The following NEU3 variants were observed in gnomAD, a reference collection of about 807,000 sequenced individuals.
The protein encoded by NEU3 is sialidase-3.
Under a neutral mutation model 11.4 loss-of-function variants are expected in NEU3, and 10 were observed. The observed-to-expected ratio is 0.88, with a 90% confidence interval of 0.54 to 1.49. NEU3 has a LOEUF of 1.49. Ranked by LOEUF, NEU3 falls within the 40% of genes most tolerant of loss-of-function variation. The probability of loss-of-function intolerance (pLI) is 0.00; values close to 1 mark genes in which losing one functional copy is unlikely to be tolerated. For synonymous variants in NEU3, 212 were observed against 228.2 expected (o/e 0.93, Z 0.64); for missense variants, 529 against 581.8 (o/e 0.91, Z 0.93).
intron 2 of NEU3, among the ~76,000 whole-genome samples, chr11:75,004,922 CT>C (rs969957913): frequency 3.1e-4 from 46 of 148,340 alleles, no homozygotes; most frequent in East Asian, 2.7e-3. Flanking sequence ...CCTTTCCTTT[CT>C]TTTTTTTTTC....
downstream of NEU3, among the ~76,000 whole-genome samples, chr11:75,015,275 CA>C (rs1475528488): frequency 6.6e-6 from 1 of 152,154 alleles, no homozygotes; most frequent in East Asian, 1.9e-4. Context: ...ATCTGTGAGG[CA>C]GAAAGCAAAC....
chr11:75,001,094 A>G (rs1948839957), intron 2 of NEU3, among the ~76,000 whole-genome samples: 1 of 151,872 alleles, frequency 6.6e-6, no homozygotes, highest in African/African-American at 2.4e-5. Flanking sequence ...CAGTGGTTCT[A>G]GTTTTCCACA....
chr11:74,989,119 C>T lies in NEU3; in HGVS notation c.59C>T (p.Ala20Val), dbSNP rs1236013626. 9.0e-6 allele frequency: 14 copies of T among 1,551,180 alleles called. No individual in the cohort carries two copies. The Admixed American group carries it at 2.5e-4, about 28-fold the overall frequency. ...PMEESPASSS[A>V]PTETEEPGSS... ...GAAGAATCCCCGGCGTCCAGCTCTG[C>T]CCCGACAGAGACGGAGGAGCCGGGG... Residue 20 changes from alanine (A) to valine (V), a missense_variant, in exon 1 of 3, where the codon GCC becomes GTC. Transcript: ENST00000294064.
Position 75,008,485 on chromosome 11 carries a change from G to T in NEU3, c.*1993G>T, listed in dbSNP as rs1358578494. On this transcript the variant is annotated 3_prime_UTR_variant, in exon 3 of 3. Transcript: ENST00000294064. The stretch of plus-strand genomic sequence containing the variant: ...CTTTCCTGAACACTGTACTGCAAGT[G>T]GATAGGAATAGGGAGGATGGCCAAG... 6.6e-6 allele frequency: 1 copy of T among 152,062 alleles called. No individual in the cohort carries two copies. Among genetic ancestry groups the T allele is most frequent in the Non-Finnish European group, 1.5e-5 (1 of 68,040 alleles). The allele number at this position is 152,062 out of a possible 1,614,324, so 9.4% of individuals were successfully genotyped here. A position where few individuals can be genotyped will look rare whatever the true frequency, so the allele number is the denominator to read the frequency against.
chr11:75,016,345 C>T (rs1948981322), intron 3 of NEU3, among the ~76,000 whole-genome samples: 2 of 152,146 alleles, frequency 1.3e-5, no homozygotes, highest in African/African-American at 2.4e-5. Context: ...CCTAAGCGAC[C>T]CCAGATTCAG....
intron 3 of NEU3, among the ~76,000 whole-genome samples, chr11:75,017,417 G>C (rs1375430268): frequency 6.6e-6 from 1 of 152,192 alleles, no homozygotes; most frequent in Non-Finnish European, 1.5e-5. Context: ...GCTACTGTTG[G>C]TGCCCCATAC....
rs180878536 is a variant in NEU3 at position 75,006,492 on chromosome 11, A to G, written c.1386A>G (p.Ter462=). ...GRNPSQFKSN[*] ...ACCCAAGCCAATTCAAAAGCAATTAATTGGCTTAGGACCCAATTTCCATAG... is the reference window on the plus strand; with the variant it reads ...ACCCAAGCCAATTCAAAAGCAATTAGTTGGCTTAGGACCCAATTTCCATAG... Residue 462 remains the stop codon, a stop_retained_variant, in exon 3 of 3, where the codon TAA becomes TAG. Transcript: ENST00000294064. The G allele has an allele frequency of 4.5e-5, 72 of 1,605,342 alleles. No individual in the cohort carries two copies. The highest frequency in any genetic ancestry group is 5.9e-5 in the Non-Finnish European group (69 of 1,175,232).
rs1948897986 is a variant in NEU3, at chr11:75,006,197, A to G, written c.1091A>G (p.Tyr364Cys). The G allele has an allele frequency of 6.2e-7, 1 of 1,613,928 alleles. No individual in the cohort carries two copies. Among genetic ancestry groups the G allele is most frequent in the Non-Finnish European group, 8.5e-7 (1 of 1,179,874 alleles). ...AGTPSESWLL[Y>C]SHPTSRKQRV... The stretch of plus-strand genomic sequence containing the variant: ...ACACCGTCAGAATCATGGCTCTTGT[A>G]CTCACACCCAACCAGTAGGAAACAG... The change falls in exon 3 of 3, where the codon TAC becomes TGC. Residue 364 changes from tyrosine (Y) to cysteine (C), a missense_variant. Physicochemically the swap from Tyr to Cys is radical, Grantham distance 194. Transcript: ENST00000294064.
chr11:75,004,281 AT>A, intron 2 of NEU3: 1 of 679,216 alleles, frequency 1.5e-6, no homozygotes, highest in Non-Finnish European at 2.7e-6. Flanking sequence ...CAATTTAGTT[AT>A]TTTGTTTTAT....
chr11:75,016,761 C>T (rs981891274), intron 3 of NEU3, among the ~76,000 whole-genome samples: 61 of 152,132 alleles, frequency 4.0e-4, no homozygotes, highest in Non-Finnish European at 8.2e-4. Flanking sequence ...AGGATGATCC[C>T]CAGCAGCCCG....
chr11:75,004,261 A>C, intron 2 of NEU3: 1 of 672,368 alleles, frequency 1.5e-6, no homozygotes, highest in Non-Finnish European at 2.7e-6. Flanking sequence ...ATAGATGTAA[A>C]GTGTTATGTC....
chr11:74,994,771 G>A (rs767654941), intron 2 of NEU3, 51 bp downstream of exon 2: 1 of 1,494,808 alleles, frequency 6.7e-7, no homozygotes, highest in Non-Finnish European at 9.3e-7. Flanking sequence ...TCTTCACAAA[G>A]CTCAGAGCTC....
At chr11:75,011,901 C>A (rs1031547442), downstream of NEU3, among the ~76,000 whole-genome samples, 3 of 151,984 alleles carry the variant, frequency 2.0e-5, no homozygotes, top group African/African-American at 7.3e-5. Flanking sequence ...TTGATAGAAT[C>A]CCCACTTGCT....
the NEU3 span, among the ~76,000 whole-genome samples, chr11:74,982,306 TG>T: frequency 1.2e-4 from 18 of 152,224 alleles, no homozygotes; most frequent in African/African-American, 4.3e-4. Flanking sequence ...AGTTTGGTAG[TG>T]GGGGTGGAGT....
At position 75,009,058 on chromosome 11, in the gene NEU3, T is replaced by C. The variant is rs1948929271; in HGVS notation, c.*2566T>C. The C allele has an allele frequency of 6.6e-6, 1 of 152,232 alleles. No homozygotes were observed. Among genetic ancestry groups the C allele is most frequent in the East Asian group, 1.9e-4 (1 of 5,200 alleles). The allele number at this position is 152,232 out of a possible 1,614,324, so 9.4% of individuals were successfully genotyped here. ...ACTCTTTAAATGGGGCAGGCCTGTG[T>C]TCTTATCTCAGGAATAGTAAGAAAA... On this transcript the variant is annotated 3_prime_UTR_variant, in exon 3 of 3. Coordinates refer to ENST00000294064, the MANE Select transcript of NEU3 (RefSeq NM_006656.6).
rs775129462 is a variant in NEU3, at chr11:75,006,014, G to T, written c.908G>T (p.Arg303Leu). 1 of 1,613,826 alleles carries T rather than the reference G, an allele frequency of 6.2e-7. No individual in the cohort carries two copies. Among genetic ancestry groups the T allele is most frequent in the Non-Finnish European group, 8.5e-7 (1 of 1,179,898 alleles). The change falls in exon 3 of 3, where the codon CGA (arginine) becomes CTA (leucine). Residue 303 changes from arginine (R) to leucine (L), a missense_variant. Physicochemically the swap from Arg to Leu is moderately radical, Grantham distance 102 (BLOSUM62 -2). Coordinates refer to ENST00000294064, the MANE Select transcript of NEU3 (RefSeq NM_006656.6). The part of the protein sequence containing the change: ...GEGFQRLALS[R>L]QLCEPPHGCQ... ...GGCTTTCAGAGACTGGCCCTGAGTC[G>T]ACAGCTCTGTGAGCCCCCACATGGT...
rs201661038 is a variant in NEU3 at position 75,005,966 on chromosome 11, C to G, written c.860C>G (p.Ala287Gly). The G allele has an allele frequency of 2.9e-5, 46 of 1,613,714 alleles. No individual in the cohort carries two copies. Among genetic ancestry groups the G allele is most frequent in the Non-Finnish European group, 3.5e-5 (41 of 1,179,896 alleles). ...ACACCAAACAGGTGCCGGGCAGAGG[C>G]GCTCAGCACTGACCATGGTGAAGGC... ...ARTPNRCRAE[A>G]LSTDHGEGFQ... Residue 287 changes from alanine to glycine, a missense_variant, in exon 3 of 3, where the codon GCG becomes GGG. Ala to Gly is a moderately conservative substitution (Grantham distance 60, BLOSUM62 0). Coordinates refer to ENST00000294064, the MANE Select transcript of NEU3 (RefSeq NM_006656.6).
chr11:74,985,926 A>G (rs540751248), upstream of NEU3, among the ~76,000 whole-genome samples: 2 of 152,362 alleles, frequency 1.3e-5, no homozygotes, highest in South Asian at 2.1e-4. Context: ...TCATACTGCA[A>G]TCAAACAGTC....
intron 2 of NEU3, 56 bp downstream of exon 2, chr11:74,994,776 G>T (rs1172311538): frequency 6.7e-7 from 1 of 1,483,512 alleles, no homozygotes; most frequent in Admixed American, 1.7e-5. Flanking sequence ...ACAAAGCTCA[G>T]AGCTCTTCAG....
Sources: allele counts gnomAD v4.1 joint callset (sites outside exome capture counted in the v4.1 genomes callset), GRCh38; gene constraint gnomAD v4.1.1; transcripts MANE v1.5; gene names NCBI Gene and HGNC (gene_info 2026-07-23, HGNC 2026-07-21).